The following RALGPS1 variants were observed in gnomAD, a reference collection of about 807,000 sequenced individuals.
The protein encoded by RALGPS1 is Ral GEF with PH domain and SH3 binding motif 1.
A neutral mutation model predicts 78.8 loss-of-function variants in RALGPS1; 19 were observed. The observed-to-expected ratio is 0.24, with a 90% CI of 0.17 to 0.35. The LOEUF is 0.35. Ranked by LOEUF, RALGPS1 falls within the 10% of genes least tolerant of loss-of-function variation. RALGPS1 has a pLI of 1.00. For missense variants in RALGPS1, 454 were observed against 688.3 expected (o/e 0.66, Z 3.81); for synonymous variants, 228 against 256.3 (o/e 0.89, Z 1.06).
chr9:127,041,055 G>GTGTGTGTGTGTGTGTT (rs2047263381), intron 5 of RALGPS1, among the ~76,000 whole-genome samples: 1 of 151,476 alleles, frequency 6.6e-6, no homozygotes, highest in Non-Finnish European at 1.5e-5. Context: ...GTGTGTGTGT[G>GTGTGTGTGTGTGTGTT]TGTGTGTGTG....
chr9:126,983,090 C>A (rs2041474114), intron 4 of RALGPS1, among the ~76,000 whole-genome samples: 1 of 151,648 alleles, frequency 6.6e-6, no homozygotes, highest in East Asian at 1.9e-4. Flanking sequence ...GCACCTGATA[C>A]CACGACCGGC....
intron 8 of RALGPS1, among the ~76,000 whole-genome samples, chr9:127,136,526 G>A (rs1364993904): frequency 6.6e-6 from 1 of 152,152 alleles, no homozygotes; most frequent in Non-Finnish European, 1.5e-5. Context: ...TGTGTGCCTT[G>A]GGAGAGCTCT....
intron 8 of RALGPS1, among the ~76,000 whole-genome samples, chr9:127,163,494 G>C (rs978811252): frequency 6.6e-6 from 1 of 152,214 alleles, no homozygotes; most frequent in Non-Finnish European, 1.5e-5. Context: ...AAGTGGAAAT[G>C]GCTCCTGTGA....
In RALGPS1 at chr9:127,119,668, GA is replaced by G. The variant is rs375285031; in HGVS notation, c.611-46400del. Among the ~76,000 whole-genome samples the G allele has an allele frequency of 3.1e-3, 476 of 152,340 alleles. 6 individuals carry two copies. The highest frequency in any genetic ancestry group is 0.011 in the African/African-American group (461 of 41,574). On this transcript the variant is annotated intron_variant, in intron 8 of 18. Coordinates refer to ENST00000259351, the MANE Select transcript of RALGPS1 (RefSeq NM_014636.3). Reference sequence around the variant, plus strand: ...GTGGGTACTTCCTAAATCACTGGGGGATGGAGGGCCAGATGGAGGAACAGCT... The same window carrying G: ...GTGGGTACTTCCTAAATCACTGGGGGTGGAGGGCCAGATGGAGGAACAGCT...
intron 1 of RALGPS1, among the ~76,000 whole-genome samples, chr9:126,915,234 C>T (rs2033995536): frequency 8.8e-6 from 1 of 113,462 alleles, no homozygotes; most frequent in African/African-American, 3.2e-5. Flanking sequence ...CGCTGGTCCC[C>T]GGGAGCGTGA....
intron 11 of RALGPS1, among the ~76,000 whole-genome samples, chr9:127,182,336 T>G (rs563450402): frequency 5.8e-4 from 85 of 146,412 alleles, no homozygotes; most frequent in Non-Finnish European, 1.0e-3. Context: ...CTTCCTGCCT[T>G]CCTTCCTTCC....
intron 18 of RALGPS1, chr9:127,217,159 T>A: frequency 7.9e-7 from 1 of 1,262,472 alleles, no homozygotes; most frequent in Non-Finnish European, 1.0e-6. Context: ...TGGGTCAGTT[T>A]CATGTATTGG....
chr9:126,956,633 C>G (rs1395799199), intron 1 of RALGPS1, among the ~76,000 whole-genome samples: 1 of 152,058 alleles, frequency 6.6e-6, no homozygotes, highest in African/African-American at 2.4e-5. Flanking sequence ...TGTACTTGGA[C>G]CCCTGGACTC....
intron 8 of RALGPS1, among the ~76,000 whole-genome samples, chr9:127,112,501 A>C (rs746964122): frequency 2.0e-5 from 3 of 152,168 alleles, no homozygotes; most frequent in Non-Finnish European, 4.4e-5. Context: ...GCTGCAAGAC[A>C]AGGTTGGTTT....
chr9:127,158,326 T>A (rs2058818723), intron 8 of RALGPS1, among the ~76,000 whole-genome samples: 1 of 152,150 alleles, frequency 6.6e-6, no homozygotes, highest in Non-Finnish European at 1.5e-5. Flanking sequence ...TTCTCCATTA[T>A]TAATATTTTT....
chr9:126,963,404 CATT>C (rs2039110550), intron 2 of RALGPS1, among the ~76,000 whole-genome samples: 1 of 152,130 alleles, frequency 6.6e-6, no homozygotes, highest in Admixed American at 6.5e-5. Context: ...TGTGTATACA[CATT>C]ATACACATTC....
chr9:127,128,708 G>T (rs1049321571), intron 8 of RALGPS1, among the ~76,000 whole-genome samples: 1 of 152,228 alleles, frequency 6.6e-6, no homozygotes, highest in Non-Finnish European at 1.5e-5. Context: ...GTCAGGTCCT[G>T]TGACTCTCCG....
intron 11 of RALGPS1, among the ~76,000 whole-genome samples, chr9:127,191,333 C>T (rs934915355): frequency 1.3e-5 from 2 of 151,980 alleles, no homozygotes; most frequent in Middle Eastern, 3.4e-3. Flanking sequence ...CTATTTTTTT[C>T]CCAGTAGTTT....
chr9:127,068,345 T>G (rs1385599749), intron 7 of RALGPS1, among the ~76,000 whole-genome samples: 1 of 151,984 alleles, frequency 6.6e-6, no homozygotes, highest in African/African-American at 2.4e-5. Context: ...CTGGAGATGG[T>G]GAGGAGAGCA....
intron 1 of RALGPS1, among the ~76,000 whole-genome samples, chr9:126,945,208 T>C (rs1336396968): frequency 6.6e-6 from 1 of 151,406 alleles, no homozygotes; most frequent in African/African-American, 2.4e-5. Flanking sequence ...TTTCTCTTGC[T>C]TTTTTTTTGA....
chr9:127,082,065 G>T (rs150080618), intron 8 of RALGPS1, among the ~76,000 whole-genome samples: 1 of 152,224 alleles, frequency 6.6e-6, no homozygotes, highest in Non-Finnish European at 1.5e-5. Flanking sequence ...CTGACTCTGA[G>T]GTTTGAGAGA....
At chr9:127,141,226 C>T (rs2057750787) in intron 8 of RALGPS1, among the ~76,000 whole-genome samples, 1 of 151,798 alleles carries the variant, frequency 6.6e-6, no homozygotes, top group African/African-American at 2.4e-5. Flanking sequence ...TGTGGGTGTT[C>T]GTGAGATTGG....
At chr9:127,190,184 C>T (rs1050757446) in intron 11 of RALGPS1, among the ~76,000 whole-genome samples, 12 of 152,144 alleles carry the variant, frequency 7.9e-5, no homozygotes, top group Non-Finnish European at 1.5e-4. Context: ...GCAGGTTTTG[C>T]GTTTTACTGC....
intron 2 of RALGPS1, among the ~76,000 whole-genome samples, chr9:126,963,694 T>C (rs1312150092): frequency 6.6e-6 from 1 of 152,174 alleles, no homozygotes; most frequent in Non-Finnish European, 1.5e-5. Flanking sequence ...TTATCCCTAG[T>C]TTATAGATGA....
Sources: allele counts gnomAD v4.1 joint callset (sites outside exome capture counted in the v4.1 genomes callset), GRCh38; gene constraint gnomAD v4.1.1; transcripts MANE v1.5; gene names NCBI Gene and HGNC (gene_info 2026-07-23, HGNC 2026-07-21).